CFAP43: variants seen among roughly 807,000 people sequenced by gnomAD.
CFAP43 encodes the protein cilia- and flagella-associated protein 43.
Under a neutral mutation model 218.9 loss-of-function variants are expected in CFAP43, and 155 were observed. The observed-to-expected ratio is 0.71, with a 90% CI of 0.62 to 0.81. The LOEUF (loss-of-function observed/expected upper bound fraction) is 0.81, where lower values mean the gene tolerates loss of function less well. Ranked by LOEUF, CFAP43 falls within the 30% of genes least tolerant of loss-of-function variation. The pLI, the probability that CFAP43 is intolerant of heterozygous loss-of-function variation, is 0.00. For missense variants in CFAP43, 1,778 were observed against 1,954.3 expected (o/e 0.91, Z 1.70); for synonymous variants, 645 against 681.3 (o/e 0.95, Z 0.83).
At chr10:104,226,067 A>T (rs765879532) in intron 2 of CFAP43, among the ~76,000 whole-genome samples, 5 of 152,260 alleles carry the variant, frequency 3.3e-5, no homozygotes, top group African/African-American at 9.6e-5. Flanking sequence ...ACAAAAAGCA[A>T]CATGAATTCC....
chr10:104,228,523 C>T (rs2091363455), intron 2 of CFAP43, among the ~76,000 whole-genome samples: 1 of 152,104 alleles, frequency 6.6e-6, no homozygotes, highest in Admixed American at 6.5e-5. Flanking sequence ...TTTATTTTCC[C>T]AGATGAATTT....
chr10:104,157,769 TGTGTGTGAGAGAGAGAGA>T (rs1299140448), intron 27 of CFAP43, among the ~76,000 whole-genome samples: 3 of 109,676 alleles, frequency 2.7e-5, no homozygotes, highest in Admixed American at 9.6e-5. Context: ...TGTGTGTGTG[TGTGTGTGAGAGAGAGAGA>T]GAGAGAGAGA....
rs745788028 is a variant in CFAP43, at chr10:104,140,831, A to C, written c.4431+11T>G. On this transcript the variant is annotated intron_variant, in intron 34 of 37. Transcript: ENST00000357060. ...ACCTTGAATTAAAATAAAAATAAAAAGTATAATTACCCGAATCACAGAATT... is the reference window on the plus strand; with the variant it reads ...ACCTTGAATTAAAATAAAAATAAAACGTATAATTACCCGAATCACAGAATT... The C allele has an allele frequency of 3.2e-5, 50 of 1,576,214 alleles. No individual in the cohort carries two copies. Among genetic ancestry groups the C allele is most frequent in the Non-Finnish European group, 4.0e-5 (47 of 1,164,944 alleles).
intron 33 of CFAP43, among the ~76,000 whole-genome samples, chr10:104,141,810 A>G (rs2087719420): frequency 6.6e-6 from 1 of 152,218 alleles, no homozygotes; most frequent in Admixed American, 6.5e-5. Flanking sequence ...GTATTTATCG[A>G]TGAGGCTATA....
intron 34 of CFAP43, among the ~76,000 whole-genome samples, chr10:104,135,072 G>A (rs1027123401): frequency 2.6e-5 from 4 of 151,816 alleles, no homozygotes; most frequent in East Asian, 1.9e-4. Flanking sequence ...AGAGTAGTCC[G>A]CACAATCAAA....
rs765051899 is a variant in CFAP43, at chr10:104,166,629, G to A, written c.2898C>T (p.Asp966=). Residue 966 remains aspartate (D), a synonymous_variant, in exon 23 of 38, where the codon GAC becomes GAT. Transcript: ENST00000357060. The part of the protein sequence containing the change: ...EEDDEEEEEE[D]KTVKYSNLPN... ...GCAAATTGCTATATTTTACTGTCTTGTCTTCCTCTTCCTCTTCTTCATCAT... is the reference window on the plus strand; with the variant it reads ...GCAAATTGCTATATTTTACTGTCTTATCTTCCTCTTCCTCTTCTTCATCAT... The A allele has an allele frequency of 3.1e-6, 5 of 1,613,968 alleles. No homozygotes were observed. In the Admixed American group the frequency reaches 5.0e-5, roughly 16 times the overall value.
Position 104,187,472 on chromosome 10 carries a change from C to G in CFAP43, c.1708G>C (p.Glu570Gln). 1 of 1,593,016 alleles carries G rather than the reference C, an allele frequency of 6.3e-7. No homozygotes were observed. ...LPQVSTTFAD[E>Q]RGRLKDEIIH... ...ATTTCATCTTTCAGCCTTCCTCTTT[C>G]ATCAGCAAAGGTTGTGGAAACTATT... Residue 570 changes from glutamate to glutamine, a missense_variant, in exon 14 of 38, where the codon GAA (glutamate) becomes CAA (glutamine). Glu to Gln is a conservative substitution (Grantham distance 29). Transcript: ENST00000357060.
At chr10:104,185,263 A>T in intron 15 of CFAP43, 117 bp from the exon 16 acceptor site, 1 of 1,358,950 alleles carries the variant, frequency 7.4e-7, no homozygotes, top group East Asian at 2.4e-5. Flanking sequence ...TGCTAACAGC[A>T]TTTTAATTGG....
At chr10:104,134,742 C>A (rs535148697) in intron 34 of CFAP43, among the ~76,000 whole-genome samples, 18 of 152,020 alleles carry the variant, frequency 1.2e-4, no homozygotes, top group African/African-American at 4.3e-4. Flanking sequence ...TTATCAAAAA[C>A]CTCCCAAAAA....
chr10:104,147,883 A>G lies in CFAP43; in HGVS notation c.3768+8T>C, dbSNP rs1215109151. The G allele has an allele frequency of 6.4e-7, 1 of 1,573,912 alleles. No individual in the cohort carries two copies. Among genetic ancestry groups the G allele is most frequent in the Non-Finnish European group, 8.6e-7 (1 of 1,158,864 alleles). ...TGCTTGTATTCAGATTTCAGACACT[A>G]TTCTTACTTTCTCGTGCTGTTTCCT... is the stretch of plus-strand genomic sequence containing the variant. On this transcript the variant is annotated splice_region_variant and intron_variant, in intron 29 of 37. Coordinates refer to ENST00000357060, the MANE Select transcript of CFAP43 (RefSeq NM_025145.7).
chr10:104,215,282 A>G (rs2134980854), intron 3 of CFAP43, among the ~76,000 whole-genome samples: 1 of 152,330 alleles, frequency 6.6e-6, no homozygotes, highest in South Asian at 2.1e-4. Context: ...AAAGAAAAAA[A>G]TTAAATGTGA....
chr10:104,181,210 T>A (rs115749546), intron 17 of CFAP43, among the ~76,000 whole-genome samples: 1 of 152,144 alleles, frequency 6.6e-6, no homozygotes, highest in Non-Finnish European at 1.5e-5. Context: ...TACATAAATG[T>A]TCAAGTAAAA....
chr10:104,222,505 G>A lies in CFAP43; in HGVS notation c.416+2956C>T, dbSNP rs942485933. Among the ~76,000 whole-genome samples, 11 of 152,254 alleles carry A rather than the reference G, an allele frequency of 7.2e-5. No individual in the cohort carries two copies. In the East Asian group the frequency reaches 1.5e-3, roughly 21 times the overall value. On this transcript the variant is annotated intron_variant, in intron 3 of 37. Coordinates refer to ENST00000357060, the MANE Select transcript of CFAP43 (RefSeq NM_025145.7). ...TGGGCCCCAGGGCACCTCTGCTGCC[G>A]CAGAGCCTCACTGAGAATCTCCTCA...
chr10:104,187,251 A>G, intron 14 of CFAP43, 69 bp downstream of exon 14: 1 of 1,352,054 alleles, frequency 7.4e-7, no homozygotes, highest in South Asian at 1.9e-5. Flanking sequence ...AGAGGATCAC[A>G]TCTAATCAGT....
At chr10:104,153,569 T>C (rs1422140741) in intron 27 of CFAP43, among the ~76,000 whole-genome samples, 3 of 152,156 alleles carry the variant, frequency 2.0e-5, no homozygotes, top group African/African-American at 7.2e-5. Flanking sequence ...AATTAAAACA[T>C]ACAAAGTAAA....
At chr10:104,218,090 T>A (rs2091067127) in intron 3 of CFAP43, among the ~76,000 whole-genome samples, 1 of 152,048 alleles carries the variant, frequency 6.6e-6, no homozygotes, top group Admixed American at 6.5e-5. Flanking sequence ...GGCTCACGCC[T>A]GTAATCCCAG....
At chr10:104,178,102 C>T (rs934133611) in intron 19 of CFAP43, among the ~76,000 whole-genome samples, 1 of 152,120 alleles carries the variant, frequency 6.6e-6, no homozygotes, top group Non-Finnish European at 1.5e-5. Context: ...CTGAAGAATA[C>T]ACACCAAGAA....
At chr10:104,164,372 T>C (rs1429824350) in intron 23 of CFAP43, 72 bp from the exon 24 acceptor site, 1 of 1,193,422 alleles carries the variant, frequency 8.4e-7, no homozygotes. Flanking sequence ...CCCACAATTA[T>C]ACTTTCCCTC....
intron 5 of CFAP43, 107 bp from the exon 6 acceptor site, chr10:104,207,931 G>C: frequency 8.9e-7 from 1 of 1,123,440 alleles, no homozygotes; most frequent in Non-Finnish European, 1.2e-6. Context: ...TAACCCCATA[G>C]ACGCAGAAAA....
Sources: gnomAD v4.1 joint callset for allele counts (sites outside exome capture counted in the v4.1 genomes callset) on GRCh38, gnomAD v4.1.1 for gene constraint, MANE v1.5 for transcripts, NCBI Gene and HGNC (gene_info 2026-07-23, HGNC 2026-07-21) for gene names.